Variants in SETMAR observed in about 807,000 individuals in gnomAD.
SETMAR encodes histone-lysine N-methyltransferase SETMAR.
A neutral mutation model predicts 58.4 loss-of-function variants in SETMAR; 44 were observed. That is an observed-to-expected ratio of 0.75 (90% confidence interval 0.59 to 0.97). SETMAR has a LOEUF of 0.97. SETMAR is among the 50% of genes least tolerant of loss of function. The pLI, the probability that SETMAR is intolerant of heterozygous loss-of-function variation, is 0.00. For synonymous variants in SETMAR, 332 were observed against 307.4 expected (o/e 1.08, Z -0.84); for missense variants, 903 against 840.2 (o/e 1.07, Z -0.92).
At chr3:4,306,323 T>C (rs1259742417) in intron 1 of SETMAR, among the ~76,000 whole-genome samples, 2 of 152,224 alleles carry the variant, frequency 1.3e-5, no homozygotes, top group Non-Finnish European at 2.9e-5. Context: ...TTAGAATCAT[T>C]GTAATCATTA....
At chr3:4,312,871 G>C in intron 1 of SETMAR, 27 bp from the exon 2 acceptor site, 2 of 1,581,438 alleles carry the variant, frequency 1.3e-6, no homozygotes, top group Non-Finnish European at 1.7e-6. Flanking sequence ...ATGCCGTGCT[G>C]ACTTACAGTG....
At chr3:4,309,142 G>C (rs1698306504) in intron 1 of SETMAR, among the ~76,000 whole-genome samples, 1 of 152,192 alleles carries the variant, frequency 6.6e-6, no homozygotes, top group Non-Finnish European at 1.5e-5. Context: ...AAAGGGTTGT[G>C]GAGACCAGGG....
intron 1 of SETMAR, among the ~76,000 whole-genome samples, chr3:4,308,317 G>C (rs1575075172): frequency 6.6e-6 from 1 of 152,084 alleles, no homozygotes; most frequent in East Asian, 1.9e-4. Context: ...AATTTTTATT[G>C]AACACGTACA....
At position 4,316,659 on chromosome 3, in the gene SETMAR, G is replaced by C. The variant is rs1169067557; in HGVS notation, c.1468G>C (p.Asp490His). ...ILRNHNEPFL[D>H]RIVTCDEKWI... is the part of the protein sequence containing the mutation. ...ACGCAACCACAACGAACCATTTCTC[G>C]ATCGGATTGTGACGTGTGATGAAAA... Residue 490 changes from aspartate (D) to histidine (H), a missense_variant, in exon 3 of 3, where the codon GAT becomes CAT. Coordinates refer to ENST00000358065, the MANE Select transcript of SETMAR (RefSeq NM_006515.4). 3.9e-6 allele frequency: 6 copies of C among 1,551,158 alleles called. No homozygotes were observed. The South Asian group carries it at 7.1e-5, about 18-fold the overall frequency.
Position 4,316,233 on chromosome 3 carries a change from A to G in SETMAR, c.1042A>G (p.Lys348Glu), listed in dbSNP as rs546538913. The G allele has an allele frequency of 1.4e-6, 1 of 730,236 alleles. No homozygotes were observed. The highest frequency in any genetic ancestry group is 1.7e-5 in the African/African-American group (1 of 57,740). The allele number at this position is 730,236 out of a possible 1,614,324, so 45.2% of individuals were successfully genotyped here. A position where few individuals can be genotyped will look rare whatever the true frequency, so the allele number is the denominator to read the frequency against. ...TTAGACTATGAAAATGATGTTAGAC[A>G]AAAAGCAAATTCGAGCAATTTTCTT... is the stretch of plus-strand genomic sequence containing the variant. The part of the protein sequence containing the change: ...TLETMKMMLD[K>E]KQIRAIFLFE... Residue 348 changes from lysine (K) to glutamate (E), a missense_variant, in exon 3 of 3, where the codon AAA becomes GAA. Lys to Glu is a moderately conservative substitution (Grantham distance 56, BLOSUM62 1). Coordinates refer to ENST00000358065, the MANE Select transcript of SETMAR (RefSeq NM_006515.4).
At chr3:4,305,791 A>C (rs908889071) in intron 1 of SETMAR, among the ~76,000 whole-genome samples, 2 of 152,212 alleles carry the variant, frequency 1.3e-5, no homozygotes, top group Admixed American at 1.3e-4. Context: ...TGGGCAAGAT[A>C]AGAAAAAATC....
chr3:4,316,823 C>A lies in SETMAR; in HGVS notation c.1632C>A (p.His544Gln), dbSNP rs1175287726. 1 of 1,550,566 alleles carries A rather than the reference C, an allele frequency of 6.4e-7. No individual in the cohort carries two copies. The highest frequency in any genetic ancestry group is 1.2e-5 in the South Asian group (1 of 84,026). The change falls in exon 3 of 3, where the codon CAC becomes CAA. Residue 544 changes from histidine to glutamine, a missense_variant. Physicochemically the swap from His to Gln is conservative, Grantham distance 24. Coordinates refer to ENST00000358065, the MANE Select transcript of SETMAR (RefSeq NM_006515.4). ...GGTGGTCTGCTGCTGGTCTGATCCA[C>A]TACAGCTTTCTGAATCCCGGTGAAA... ...TIWWSAAGLI[H>Q]YSFLNPGETI...
rs1559221065 is a variant in SETMAR, at chr3:4,316,619, A to G, written c.1428A>G (p.Ser476=). Residue 476 remains serine (S), a synonymous_variant, in exon 3 of 3, where the codon TCA becomes TCG. Coordinates refer to ENST00000358065, the MANE Select transcript of SETMAR (RefSeq NM_006515.4). ...AAAAAAATCGTCGTTTTGAAGTGTCATCTTCTCTTATTCTACGCAACCACA... is the reference window on the plus strand; with the variant it reads ...AAAAAAATCGTCGTTTTGAAGTGTCGTCTTCTCTTATTCTACGCAACCACA... ...ENQKNRRFEV[S]SSLILRNHNE... The G allele has an allele frequency of 1.3e-6, 2 of 1,551,116 alleles. No individual in the cohort carries two copies. Among genetic ancestry groups the G allele is most frequent in the African/African-American group, 2.7e-5 (2 of 73,004 alleles).
intron 1 of SETMAR, chr3:4,303,894 A>G (rs993992185): frequency 1.3e-5 from 16 of 1,248,950 alleles, no homozygotes; most frequent in Middle Eastern, 4.9e-4. Context: ...GGGCCTATTA[A>G]TGGATCGCAG....
intron 1 of SETMAR, among the ~76,000 whole-genome samples, chr3:4,306,236 A>G (rs1698183928): frequency 6.6e-6 from 1 of 152,146 alleles, no homozygotes. Context: ...CTGTAAAACT[A>G]TGTGCCCGAC....
At chr3:4,305,669 G>A (rs904569028) in intron 1 of SETMAR, among the ~76,000 whole-genome samples, 2 of 152,086 alleles carry the variant, frequency 1.3e-5, no homozygotes, top group African/African-American at 2.4e-5. Context: ...TTGATGTTAT[G>A]CCAGAGTCAG....
intron 1 of SETMAR, among the ~76,000 whole-genome samples, chr3:4,312,246 T>C (rs1472947648): frequency 6.6e-6 from 1 of 152,152 alleles, no homozygotes; most frequent in Non-Finnish European, 1.5e-5. Flanking sequence ...CATATATGCA[T>C]GTATATTATC....
chr3:4,316,624 C>T lies in SETMAR; in HGVS notation c.1433C>T (p.Ser478Phe). 1 of 1,551,234 alleles carries T rather than the reference C, an allele frequency of 6.4e-7. No individual in the cohort carries two copies. Among genetic ancestry groups the T allele is most frequent in the Non-Finnish European group, 8.7e-7 (1 of 1,146,750 alleles). ...QKNRRFEVSS[S>F]LILRNHNEPF... The stretch of plus-strand genomic sequence containing the variant: ...AATCGTCGTTTTGAAGTGTCATCTT[C>T]TCTTATTCTACGCAACCACAACGAA... The change falls in exon 3 of 3, where the codon TCT becomes TTT. Residue 478 changes from serine (S) to phenylalanine (F), a missense_variant. By Grantham distance (155) the Ser-to-Phe change is radical. Coordinates refer to ENST00000358065, the MANE Select transcript of SETMAR (RefSeq NM_006515.4).
intron 1 of SETMAR, 64 bp downstream of exon 1, chr3:4,303,590 C>T: frequency 7.3e-7 from 1 of 1,376,818 alleles, no homozygotes; most frequent in South Asian, 1.7e-5. Flanking sequence ...TCTCCTCAAG[C>T]CGCCTCGCTG....
In SETMAR at chr3:4,303,438, C is replaced by T. The variant is rs780707877; in HGVS notation, c.68C>T (p.Ala23Val). Residue 23 changes from alanine to valine, a missense_variant, in exon 1 of 3, where the codon GCC (alanine) becomes GTC (valine). Ala to Val is a moderately conservative substitution (Grantham distance 64, BLOSUM62 0). Coordinates refer to ENST00000358065, the MANE Select transcript of SETMAR (RefSeq NM_006515.4). Reference protein sequence around the residue: ...GMAEFKEKPEAPTEQLDVACG... With the variant: ...GMAEFKEKPEVPTEQLDVACG... ...GCGGAGTTTAAGGAGAAGCCTGAGG[C>T]CCCGACTGAGCAGCTGGATGTCGCG... 3.2e-6 allele frequency: 5 copies of T among 1,552,080 alleles called. No homozygotes were observed. The highest frequency in any genetic ancestry group is 4.3e-6 in the Non-Finnish European group (5 of 1,154,278).
intron 1 of SETMAR, among the ~76,000 whole-genome samples, chr3:4,305,603 T>G (rs1277179786): frequency 1.3e-5 from 2 of 152,194 alleles, no homozygotes; most frequent in Non-Finnish European, 2.9e-5. Flanking sequence ...TTTCAAGATA[T>G]GGCAAGGAAA....
chr3:4,315,786 C>A (rs1394383260), intron 2 of SETMAR, among the ~76,000 whole-genome samples: 1 of 152,018 alleles, frequency 6.6e-6, no homozygotes, highest in Admixed American at 6.6e-5. Flanking sequence ...GTGGCTCACA[C>A]CTGTAATCCC....
At chr3:4,304,298 C>T (rs1465882936) in intron 1 of SETMAR, among the ~76,000 whole-genome samples, 3 of 152,092 alleles carry the variant, frequency 2.0e-5, no homozygotes, top group Admixed American at 6.5e-5. Context: ...TGGGCCACCA[C>T]GCCCGGCTAA....
intron 1 of SETMAR, among the ~76,000 whole-genome samples, chr3:4,310,092 A>G (rs1343228210): frequency 1.3e-5 from 2 of 152,228 alleles, no homozygotes; most frequent in African/African-American, 4.8e-5. Context: ...GTATCTAAAC[A>G]TAGAAAACAT....
Sources: allele counts gnomAD v4.1 joint callset (sites outside exome capture counted in the v4.1 genomes callset), GRCh38; gene constraint gnomAD v4.1.1; transcripts MANE v1.5; gene names NCBI Gene and HGNC (gene_info 2026-07-23, HGNC 2026-07-21).